ALX4: variants seen among roughly 807,000 people sequenced by gnomAD.
The protein encoded by ALX4 is ALX homeobox 4.
Under a neutral mutation model 40.6 loss-of-function variants are expected in ALX4, and 22 were observed. The observed-to-expected ratio is 0.54, with a 90% CI of 0.39 to 0.77. The LOEUF is 0.77. ALX4 is among the 30% of genes least tolerant of loss of function. ALX4 has a pLI of 0.00. For missense variants in ALX4, 556 were observed against 564.8 expected (o/e 0.98, Z 0.16); for synonymous variants, 266 against 240.5 (o/e 1.11, Z -0.98).
chr11:44,307,812 G>A lies in ALX4; in HGVS notation c.466+1785C>T, dbSNP rs141060421. ...ATGAGAGCTGTGTGTGTCCATGTGCGGAGCTGTGTGTGTCTGTGTGTGGAG... is the reference window on the plus strand; with the variant it reads ...ATGAGAGCTGTGTGTGTCCATGTGCAGAGCTGTGTGTGTCTGTGTGTGGAG... On this transcript the variant is annotated intron_variant, in intron 1 of 3. Transcript: ENST00000652299. Among the ~76,000 whole-genome samples the A allele has an allele frequency of 5.8e-4, 89 of 152,158 alleles. No homozygotes were observed. The East Asian group carries it at 0.015, about 25-fold the overall frequency.
intron 1 of ALX4, among the ~76,000 whole-genome samples, chr11:44,309,172 CCGCAGCCT>C (rs1157303999): frequency 0.05 from 6,223 of 125,356 alleles, 675 homozygotes; most frequent in African/African-American, 0.085. Flanking sequence ...CCCCGCAGCC[CCGCAGCCT>C]CGCAGCCCCG....
chr11:44,291,496 C>T (rs1052298251), intron 1 of ALX4, among the ~76,000 whole-genome samples: 1 of 151,778 alleles, frequency 6.6e-6, no homozygotes, highest in Non-Finnish European at 1.5e-5. Flanking sequence ...GCAACCTCCG[C>T]CTTCTGGGTT....
intron 1 of ALX4, among the ~76,000 whole-genome samples, chr11:44,284,911 A>G (rs554303280): frequency 2.6e-5 from 4 of 151,900 alleles, no homozygotes; most frequent in Non-Finnish European, 4.4e-5. Context: ...ACTCACACAC[A>G]TACACATACA....
intron 2 of ALX4, among the ~76,000 whole-genome samples, chr11:44,269,114 G>A (rs916051587): frequency 6.6e-6 from 1 of 152,162 alleles, no homozygotes; most frequent in Admixed American, 6.5e-5. Flanking sequence ...GAGCTTCCTA[G>A]GAACCACTGC....
intron 1 of ALX4, among the ~76,000 whole-genome samples, chr11:44,302,972 C>A (rs80069602): frequency 6.6e-6 from 1 of 152,152 alleles, no homozygotes; most frequent in African/African-American, 2.4e-5. Flanking sequence ...ATTCAGACCC[C>A]GGAGCAGAAC....
Position 44,267,535 on chromosome 11 carries a change from A to G in ALX4, c.865T>C (p.Tyr289His). Residue 289 changes from tyrosine to histidine, a missense_variant, in exon 3 of 4, where the codon TAT (tyrosine) becomes CAT (histidine). Transcript: ENST00000652299. ...GCTCGGGTGAGGAGGGGCAGCTCAT[A>G]TGCAGTGGAGAAGTGGGTTCGAACC... is the stretch of plus-strand genomic sequence containing the variant. ...QQVRTHFSTA[Y>H]ELPLLTRAEN... 1 of 1,614,120 alleles carries G rather than the reference A, an allele frequency of 6.2e-7. No homozygotes were observed. Among genetic ancestry groups the G allele is most frequent in the East Asian group, 2.2e-5 (1 of 44,866 alleles).
chr11:44,280,217 T>A (rs926378600), intron 1 of ALX4, among the ~76,000 whole-genome samples: 1 of 152,206 alleles, frequency 6.6e-6, no homozygotes, highest in Non-Finnish European at 1.5e-5. Context: ...GATGTCTCCA[T>A]GCAGAGAGCA....
In ALX4 at chr11:44,275,668, G is replaced by A. The variant is rs1590691540; in HGVS notation, c.467-10C>T. The stretch of plus-strand genomic sequence containing the variant: ...AGGGAGCTCTCTTTAGCTGAGGGAG[G>A]AGGAAACAAAGTCAGAAACCAATGG... On this transcript the variant is annotated splice_polypyrimidine_tract_variant and intron_variant, in intron 1 of 3. Transcript: ENST00000652299. 6.2e-7 allele frequency: 1 copy of A among 1,611,350 alleles called. No individual in the cohort carries two copies. The highest frequency in any genetic ancestry group is 8.5e-7 in the Non-Finnish European group (1 of 1,178,276).
chr11:44,309,761 G>A lies in ALX4; in HGVS notation c.302C>T (p.Pro101Leu). Residue 101 changes from proline (P) to leucine (L), a missense_variant, in exon 1 of 4, where the codon CCG (proline) becomes CTG (leucine). Physicochemically the swap from Pro to Leu is moderately conservative, Grantham distance 98. Coordinates refer to ENST00000652299, the MANE Select transcript of ALX4 (RefSeq NM_021926.4). ...CTGCTGCGGCTGCGGCTGCGGCGGC[G>A]GCTGGGGCTGCGGGGTCGACGGCTG... is the stretch of plus-strand genomic sequence containing the variant. Reference protein sequence around the residue: ...QPQPSTPQPQPPPQPQPQQQQ... With the variant: ...QPQPSTPQPQLPPQPQPQQQQ... 17 of 1,545,432 alleles carry A rather than the reference G, an allele frequency of 1.1e-5. No individual in the cohort carries two copies. Among genetic ancestry groups the A allele is most frequent in the Non-Finnish European group, 1.5e-5 (17 of 1,144,530 alleles).
intron 1 of ALX4, among the ~76,000 whole-genome samples, chr11:44,296,327 C>T (rs187138003): frequency 6.6e-6 from 1 of 152,296 alleles, no homozygotes; most frequent in Admixed American, 6.5e-5. Flanking sequence ...AAGACCTAAA[C>T]CTAAGAGCTA....
At chr11:44,293,567 GAGGATAC>G (rs1956385778) in intron 1 of ALX4, among the ~76,000 whole-genome samples, 1 of 152,220 alleles carries the variant, frequency 6.6e-6, no homozygotes, top group Non-Finnish European at 1.5e-5. Flanking sequence ...GATCTCCTGA[GAGGATAC>G]TTTGTGTAGC....
intron 1 of ALX4, among the ~76,000 whole-genome samples, chr11:44,281,725 C>T (rs1956311591): frequency 6.6e-6 from 1 of 152,112 alleles, no homozygotes; most frequent in African/African-American, 2.4e-5. Flanking sequence ...CACGTCCCCA[C>T]CCCACCTCAT....
chr11:44,281,208 C>T (rs1475080057), intron 1 of ALX4, among the ~76,000 whole-genome samples: 1 of 151,710 alleles, frequency 6.6e-6, no homozygotes, highest in Admixed American at 6.6e-5. Flanking sequence ...TACAGATGTA[C>T]ACCCGAGGGC....
intron 1 of ALX4, among the ~76,000 whole-genome samples, chr11:44,307,326 C>T (rs745659519): frequency 5.3e-5 from 8 of 152,176 alleles, no homozygotes; most frequent in Non-Finnish European, 1.2e-4. Flanking sequence ...CACACTGCCA[C>T]GGGTTAGGGG....
In ALX4 at chr11:44,264,746, G is replaced by A; in HGVS notation, c.*108C>T. Reference sequence around the variant, plus strand: ...TGAAAGTGCTGAGGGTCAGGCCCCTGGCCCAGGCCAGGTTCCTAAGAGGAA... The same window carrying A: ...TGAAAGTGCTGAGGGTCAGGCCCCTAGCCCAGGCCAGGTTCCTAAGAGGAA... On this transcript the variant is annotated 3_prime_UTR_variant, in exon 4 of 4. Coordinates refer to ENST00000652299, the MANE Select transcript of ALX4 (RefSeq NM_021926.4). The A allele has an allele frequency of 7.6e-7, 1 of 1,309,884 alleles. No homozygotes were observed. The allele number at this position is 1,309,884 out of a possible 1,614,324, so 81.1% of individuals were successfully genotyped here. A position where few individuals can be genotyped will look rare whatever the true frequency, so the allele number is the denominator to read the frequency against.
At chr11:44,280,823 A>G (rs1956305554) in intron 1 of ALX4, among the ~76,000 whole-genome samples, 1 of 152,206 alleles carries the variant, frequency 6.6e-6, no homozygotes, top group Non-Finnish European at 1.5e-5. Context: ...GGAAGCATTC[A>G]GTTCAAGGTT....
chr11:44,275,037 C>T (rs1956269331), intron 2 of ALX4, among the ~76,000 whole-genome samples: 1 of 152,164 alleles, frequency 6.6e-6, no homozygotes, highest in African/African-American at 2.4e-5. Flanking sequence ...AGAGCCAGGA[C>T]TCTTACACTG....
Position 44,264,616 on chromosome 11 carries a change from G to C in ALX4, c.*238C>G, listed in dbSNP as rs1251908330. 1.9e-5 allele frequency: 11 copies of C among 587,416 alleles called. No homozygotes were observed. Among genetic ancestry groups the C allele is most frequent in the Non-Finnish European group, 3.0e-5 (10 of 331,628 alleles). The allele number at this position is 587,416 out of a possible 1,614,324, so 36.4% of individuals were successfully genotyped here. Reference sequence around the variant, plus strand: ...ACGTGGCCACCTGGCTTTCTCCACTGCCTGTGGCCGGGAGCAGGGGTCAGG... The same window carrying C: ...ACGTGGCCACCTGGCTTTCTCCACTCCCTGTGGCCGGGAGCAGGGGTCAGG... On this transcript the variant is annotated 3_prime_UTR_variant, in exon 4 of 4. Transcript: ENST00000652299.
rs114706449 is a variant in ALX4, at chr11:44,270,603, C to T, written c.778-2981G>A. Among the ~76,000 whole-genome samples, 938 of 152,176 alleles carry T rather than the reference C, an allele frequency of 6.2e-3. 7 individuals carry two copies. The highest frequency in any genetic ancestry group is 0.021 in the African/African-American group (862 of 41,500). On this transcript the variant is annotated intron_variant, in intron 2 of 3. Coordinates refer to ENST00000652299, the MANE Select transcript of ALX4 (RefSeq NM_021926.4). ...GTGTCCATCCATTTCTGACCCCTGG[C>T]GCCCCAGGGGCTCCGAGAGCTCCCT...
Sources: allele counts gnomAD v4.1 joint callset (sites outside exome capture counted in the v4.1 genomes callset), GRCh38; gene constraint gnomAD v4.1.1; transcripts MANE v1.5; gene names NCBI Gene and HGNC (gene_info 2026-07-23, HGNC 2026-07-21).